The following FOXJ3 variants were observed in gnomAD, a reference collection of about 807,000 sequenced individuals.
The protein encoded by FOXJ3 is forkhead box protein J3.
A neutral mutation model predicts 76.1 loss-of-function variants in FOXJ3; 22 were observed. That is an observed-to-expected ratio of 0.29 (90% CI 0.21 to 0.41). The LOEUF is 0.41. Ranked by LOEUF, FOXJ3 falls within the 10% of genes least tolerant of loss-of-function variation. The pLI, the probability that FOXJ3 is intolerant of heterozygous loss-of-function variation, is 1.00. For synonymous variants in FOXJ3, 269 were observed against 261.2 expected (o/e 1.03, Z -0.29); for missense variants, 613 against 762.1 (o/e 0.80, Z 2.30).
chr1:42,254,630 C>T (rs1478630223), intron 4 of FOXJ3, among the ~76,000 whole-genome samples: 1 of 147,568 alleles, frequency 6.8e-6, no homozygotes, highest in African/African-American at 2.5e-5. Flanking sequence ...GAATACTATG[C>T]AGCCATAAAA....
At chr1:42,282,448 T>C (rs1652785201) in intron 2 of FOXJ3, among the ~76,000 whole-genome samples, 1 of 152,204 alleles carries the variant, frequency 6.6e-6, no homozygotes, top group South Asian at 2.1e-4. Flanking sequence ...ACTAATCTTT[T>C]ATTAATCCTT....
intron 1 of FOXJ3, among the ~76,000 whole-genome samples, chr1:42,331,955 T>C (rs1656192046): frequency 6.6e-6 from 1 of 152,218 alleles, no homozygotes. Context: ...TACTAATGTC[T>C]CTACAAATCC....
chr1:42,321,727 T>G (rs1655439182), intron 1 of FOXJ3, among the ~76,000 whole-genome samples: 1 of 152,122 alleles, frequency 6.6e-6, no homozygotes, highest in Admixed American at 6.6e-5. Context: ...TTGCGCCACT[T>G]TGGATAACAG....
At chr1:42,201,107 A>G (rs1646756541) in intron 6 of FOXJ3, among the ~76,000 whole-genome samples, 1 of 152,254 alleles carries the variant, frequency 6.6e-6, no homozygotes, top group African/African-American at 2.4e-5. Context: ...AATAAAATTG[A>G]TTTCTGAAGA....
intron 4 of FOXJ3, among the ~76,000 whole-genome samples, chr1:42,251,782 G>A (rs1166638516): frequency 6.5e-5 from 9 of 138,074 alleles, no homozygotes; most frequent in East Asian, 4.3e-4. Flanking sequence ...GCAGTGGCGC[G>A]ATCTCGACTC....
At chr1:42,284,951 A>T (rs1570155739) in intron 2 of FOXJ3, among the ~76,000 whole-genome samples, 1 of 152,194 alleles carries the variant, frequency 6.6e-6, no homozygotes, top group East Asian at 1.9e-4. Flanking sequence ...CTCATCAACT[A>T]CTTCAAAACT....
At chr1:42,190,436 A>C (rs11808842) in intron 9 of FOXJ3, among the ~76,000 whole-genome samples, 3 of 152,266 alleles carry the variant, frequency 2.0e-5, no homozygotes, top group African/African-American at 7.2e-5. Flanking sequence ...AGCAAGTCGT[A>C]ACTTAGGAAG....
chr1:42,285,185 T>C (rs1202726818), intron 2 of FOXJ3, among the ~76,000 whole-genome samples: 1 of 152,192 alleles, frequency 6.6e-6, no homozygotes, highest in Non-Finnish European at 1.5e-5. Context: ...ACGTGTGCCA[T>C]GGTGGTTTGC....
intron 2 of FOXJ3, among the ~76,000 whole-genome samples, chr1:42,297,475 G>T (rs565043058): frequency 6.6e-6 from 1 of 152,144 alleles, no homozygotes; most frequent in Non-Finnish European, 1.5e-5. Flanking sequence ...GTTATGAAGC[G>T]ATGTTGGATT....
intron 6 of FOXJ3, among the ~76,000 whole-genome samples, chr1:42,199,684 T>A (rs1305866298): frequency 6.6e-6 from 1 of 151,752 alleles, no homozygotes; most frequent in East Asian, 1.9e-4. Flanking sequence ...ATACTGAAGA[T>A]TGGAAACAAC....
At chr1:42,258,586 G>T (rs1233202073) in intron 4 of FOXJ3, among the ~76,000 whole-genome samples, 1 of 152,048 alleles carries the variant, frequency 6.6e-6, no homozygotes, top group East Asian at 1.9e-4. Context: ...TACCCTTTTT[G>T]AACAAATACA....
At chr1:42,264,002 G>A (rs473071) in intron 4 of FOXJ3, among the ~76,000 whole-genome samples, 100,471 of 143,246 alleles carry the variant, frequency 0.7, 35,912 homozygotes, top group Admixed American at 0.8. Flanking sequence ...AAACTGGAGG[G>A]ATCGAGCCCA....
chr1:42,195,679 T>G (rs186165643), intron 7 of FOXJ3, among the ~76,000 whole-genome samples: 9 of 152,390 alleles, frequency 5.9e-5, no homozygotes, highest in Admixed American at 3.9e-4. Flanking sequence ...GGTGGTAAAC[T>G]ACCATTTGTT....
At chr1:42,323,673 C>T in intron 1 of FOXJ3, 4 of 981,316 alleles carry the variant, frequency 4.1e-6, no homozygotes, top group Non-Finnish European at 4.8e-6. Context: ...GAGACTATGC[C>T]TCTTAATTAC....
intron 2 of FOXJ3, among the ~76,000 whole-genome samples, chr1:42,300,125 G>C (rs554699960): frequency 6.6e-6 from 1 of 151,788 alleles, no homozygotes; most frequent in African/African-American, 2.4e-5. Context: ...ACTTGTACCC[G>C]GGAGGCAGAG....
intron 1 of FOXJ3, among the ~76,000 whole-genome samples, chr1:42,316,617 G>T (rs1265933790): frequency 1.3e-5 from 2 of 152,078 alleles, no homozygotes; most frequent in African/African-American, 4.8e-5. Flanking sequence ...GTGTGACCTT[G>T]GATATGTTAA....
At chr1:42,256,584 C>T (rs960083570) in intron 4 of FOXJ3, among the ~76,000 whole-genome samples, 2 of 152,130 alleles carry the variant, frequency 1.3e-5, no homozygotes, top group African/African-American at 4.8e-5. Context: ...AGGTAATAAC[C>T]AACTGTTGGC....
At chr1:42,275,121 GAGAA>G (rs2124661741) in intron 3 of FOXJ3, among the ~76,000 whole-genome samples, 1 of 152,306 alleles carries the variant, frequency 6.6e-6, no homozygotes, top group East Asian at 1.9e-4. Flanking sequence ...AGGTATGGAA[GAGAA>G]AGAGATACAA....
chr1:42,291,063 T>TAGACAGACAGAC (rs1469533310), intron 2 of FOXJ3, among the ~76,000 whole-genome samples: 2 of 123,104 alleles, frequency 1.6e-5, no homozygotes, highest in Non-Finnish European at 3.6e-5. Flanking sequence ...GATAGATAGA[T>TAGACAGACAGAC]AGATAGATAG....
Sources: gnomAD v4.1 joint callset for allele counts (sites outside exome capture counted in the v4.1 genomes callset) on GRCh38, gnomAD v4.1.1 for gene constraint, MANE v1.5 for transcripts, NCBI Gene and HGNC (gene_info 2026-07-23, HGNC 2026-07-21) for gene names.